Variants in GVQW3 observed in about 807,000 individuals in gnomAD.
GVQW3 encodes the protein protein GVQW3.
A neutral mutation model predicts 12.5 loss-of-function variants in GVQW3; 7 were observed. The ratio of observed to expected loss-of-function variants is 0.56; its 90% CI spans 0.32 to 1.05. The LOEUF (loss-of-function observed/expected upper bound fraction) is 1.05, where lower values mean the gene tolerates loss of function less well. Ranked by LOEUF, GVQW3 falls within the 50% of genes least tolerant of loss-of-function variation. GVQW3 has a pLI of 0.04. For synonymous variants in GVQW3, 71 were observed against 67.2 expected (o/e 1.06, Z -0.28); for missense variants, 188 against 190.8 (o/e 0.99, Z 0.09).
chr11:76,396,675 C>T (rs965062354), intron 1 of GVQW3, among the ~76,000 whole-genome samples: 3 of 152,130 alleles, frequency 2.0e-5, no homozygotes, highest in East Asian at 3.8e-4. Flanking sequence ...ATACCGGCTT[C>T]GTTGCCTATC....
At chr11:76,400,520 G>A (rs1286709714) in intron 1 of GVQW3, among the ~76,000 whole-genome samples, 2 of 151,908 alleles carry the variant, frequency 1.3e-5, no homozygotes, top group African/African-American at 2.4e-5. Flanking sequence ...TCCTGGGTTC[G>A]AGCGATTCTC....
downstream of GVQW3, among the ~76,000 whole-genome samples, chr11:76,409,598 C>T (rs559110456): frequency 6.6e-6 from 1 of 152,316 alleles, no homozygotes. Context: ...TATCTCCTTT[C>T]CTCCTCACCG....
At chr11:76,402,107 C>A (rs557537216) in intron 1 of GVQW3, among the ~76,000 whole-genome samples, 5 of 152,302 alleles carry the variant, frequency 3.3e-5, no homozygotes, top group African/African-American at 1.2e-4. Flanking sequence ...TGCAGTGAAA[C>A]CCTAGCCCAC....
intron 1 of GVQW3, among the ~76,000 whole-genome samples, chr11:76,391,247 C>G (rs1946889594): frequency 6.6e-6 from 1 of 152,222 alleles, no homozygotes; most frequent in Admixed American, 6.5e-5. Flanking sequence ...TGATAAATGA[C>G]CTTTTCTGGA....
chr11:76,407,103 A>C lies in GVQW3; in HGVS notation c.*3345A>C, dbSNP rs970711359. ...AGGATAACTCTAAGTTTGGTTGTAT[A>C]ATTTCTGCTGTGTTTAAGAAAAATT... On this transcript the variant is annotated 3_prime_UTR_variant, in exon 2 of 2. Transcript: ENST00000529331. The C allele has an allele frequency of 2.0e-5, 3 of 152,190 alleles. No homozygotes were observed. The highest frequency in any genetic ancestry group is 7.2e-5 in the African/African-American group (3 of 41,444). The allele number at this position is 152,190 out of a possible 1,614,324, so 9.4% of individuals were successfully genotyped here.
chr11:76,399,128 TC>T (rs1307411582), intron 1 of GVQW3, among the ~76,000 whole-genome samples: 246 of 151,022 alleles, frequency 1.6e-3, no homozygotes, highest in African/African-American at 5.9e-3. Flanking sequence ...TTATTTTATT[TC>T]ATTTTATTTT....
downstream of GVQW3, among the ~76,000 whole-genome samples, chr11:76,408,869 T>C (rs1404748910): frequency 6.6e-6 from 1 of 152,112 alleles, no homozygotes; most frequent in Non-Finnish European, 1.5e-5. Context: ...AAGAGATGAT[T>C]TGTACGGGAG....
Position 76,404,146 on chromosome 11 carries a change from CTAGTT to C in GVQW3, c.*389_*393del, listed in dbSNP as rs1354050116. 1 of 453,102 alleles carries C rather than the reference CTAGTT, an allele frequency of 2.2e-6. No homozygotes were observed. The highest frequency in any genetic ancestry group is 3.9e-6 in the Non-Finnish European group (1 of 254,570). The allele number at this position is 453,102 out of a possible 1,614,324, so 28.1% of individuals were successfully genotyped here. ...TATTTATTTACTTATTTATTTTAGA[CTAGTT>C]AAGTTCAGTAGTGAGAAAGAGGGAA... On this transcript the variant is annotated 3_prime_UTR_variant, in exon 2 of 2. Coordinates refer to ENST00000529331, the MANE Select transcript of GVQW3 (RefSeq NM_001347885.2).
chr11:76,403,154 G>T (rs546728491), intron 1 of GVQW3, among the ~76,000 whole-genome samples: 1 of 151,836 alleles, frequency 6.6e-6, no homozygotes, highest in African/African-American at 2.4e-5. Context: ...CACCATGTTG[G>T]ACAAGCTGGT....
intron 1 of GVQW3, chr11:76,392,090 G>A (rs12283174): frequency 0.029 from 4,429 of 152,562 alleles, 104 homozygotes; most frequent in East Asian, 0.084. Flanking sequence ...AAGGGCCAGA[G>A]GTGGAGAGGA....
At position 76,403,742 on chromosome 11, in the gene GVQW3, T is replaced by C. The variant is rs1393138840; in HGVS notation, c.548T>C (p.Leu183Pro). ...GILPPWPPKA[L>P]GLSA is the part of the protein sequence containing the mutation. ...CTCCCACCTTGGCCTCCCAAAGCTC[T>C]GGGATTATCAGCATGAGCCACCATG... The change falls in exon 2 of 2, where the codon CTG becomes CCG. Residue 183 changes from leucine (L) to proline (P), a missense_variant. Physicochemically the swap from Leu to Pro is moderately conservative, Grantham distance 98. Coordinates refer to ENST00000529331, the MANE Select transcript of GVQW3 (RefSeq NM_001347885.2). 5.8e-6 allele frequency: 3 copies of C among 518,384 alleles called. No homozygotes were observed. Among genetic ancestry groups the C allele is most frequent in the Non-Finnish European group, 7.0e-6 (2 of 285,912 alleles). The allele number at this position is 518,384 out of a possible 1,614,324, so 32.1% of individuals were successfully genotyped here. A position where few individuals can be genotyped will look rare whatever the true frequency, so the allele number is the denominator to read the frequency against.
chr11:76,382,614 T>G, intron 1 of GVQW3: 1 of 544,156 alleles, frequency 1.8e-6, no homozygotes, highest in Non-Finnish European at 3.2e-6. Context: ...ACCATTTTCC[T>G]TGCTGTTCTC....
chr11:76,383,779 A>ACCC (rs1946803727), intron 1 of GVQW3: 10 of 135,668 alleles, frequency 7.4e-5, no homozygotes, highest in Admixed American at 1.4e-4. Flanking sequence ...CTCTGTCCCA[A>ACCC]AAAAAAAAAA....
At chr11:76,393,205 G>C (rs1946909158) in intron 1 of GVQW3, among the ~76,000 whole-genome samples, 4 of 152,200 alleles carry the variant, frequency 2.6e-5, no homozygotes, top group Admixed American at 2.6e-4. Flanking sequence ...GATGGGTGTA[G>C]TATAAGGGGA....
chr11:76,383,631 T>A (rs925798416), intron 1 of GVQW3: 2 of 152,014 alleles, frequency 1.3e-5, no homozygotes, highest in African/African-American at 4.8e-5. Flanking sequence ...ATACAAAAAT[T>A]AGCTGGGCGT....
chr11:76,408,160 A>G (rs773995766), downstream of GVQW3: 5 of 152,198 alleles, frequency 3.3e-5, no homozygotes, highest in Non-Finnish European at 7.3e-5. Flanking sequence ...GAGAAAAGAG[A>G]TCTGCCCCCA....
intron 1 of GVQW3, among the ~76,000 whole-genome samples, chr11:76,393,654 A>G (rs1303004274): frequency 6.7e-6 from 1 of 149,516 alleles, no homozygotes; most frequent in Non-Finnish European, 1.5e-5. Flanking sequence ...CCACCCACCA[A>G]CCCACTCAGT....
rs959254976 is a variant in GVQW3, at chr11:76,390,602, G to A, written c.465+8309G>A. Among the ~76,000 whole-genome samples, 19 of 152,300 alleles carry A rather than the reference G, an allele frequency of 1.2e-4. No homozygotes were observed. The East Asian group carries it at 3.3e-3, about 26-fold the overall frequency. On this transcript the variant is annotated intron_variant, in intron 1 of 1. Coordinates refer to ENST00000529331, the MANE Select transcript of GVQW3 (RefSeq NM_001347885.2). ...TGTAATCCCAGCACTTTGGGAGGCCGAGGCGGGTGGATCACGAGGTCAGGA... is the reference window on the plus strand; with the variant it reads ...TGTAATCCCAGCACTTTGGGAGGCCAAGGCGGGTGGATCACGAGGTCAGGA...
downstream of GVQW3, chr11:76,408,245 C>T (rs995537868): frequency 6.6e-6 from 1 of 152,024 alleles, no homozygotes; most frequent in African/African-American, 2.4e-5. Flanking sequence ...AGAGCTATCA[C>T]GGAGGTTTTA....
Sources: allele counts gnomAD v4.1 joint callset (sites outside exome capture counted in the v4.1 genomes callset), GRCh38; gene constraint gnomAD v4.1.1; transcripts MANE v1.5; gene names NCBI Gene and HGNC (gene_info 2026-07-23, HGNC 2026-07-21).